Variants in MGAT4C observed in about 807,000 individuals in gnomAD.
The protein encoded by MGAT4C is alpha-1,3-mannosyl-glycoprotein 4-beta-N-acetylglucosaminyltransferase C.
MGAT4C carries 19 observed loss-of-function variants against 40.1 expected under a neutral mutation model. That is an observed-to-expected ratio of 0.47 (90% CI 0.33 to 0.70). MGAT4C has a LOEUF of 0.70. MGAT4C is among the 30% of genes least tolerant of loss of function. The pLI, the probability that MGAT4C is intolerant of heterozygous loss-of-function variation, is 0.02. For missense variants in MGAT4C, 491 were observed against 563.2 expected, an observed-to-expected ratio of 0.87 and a Z score of 1.30; for synonymous variants, 181 against 187.1, an observed-to-expected ratio of 0.97 and a Z score of 0.27.
chr12:86,375,985 T>G (rs1291678858), intron 3 of MGAT4C, among the ~76,000 whole-genome samples: 1 of 152,146 alleles, frequency 6.6e-6, no homozygotes, highest in Non-Finnish European at 1.5e-5. Flanking sequence ...ATTTAAATCA[T>G]TGCAAATAGA....
chr12:86,632,913 A>G (rs1365319879), intron 2 of MGAT4C, among the ~76,000 whole-genome samples: 1 of 152,140 alleles, frequency 6.6e-6, no homozygotes, highest in African/African-American at 2.4e-5. Flanking sequence ...TAATAAAAAA[A>G]TTGGAAATTT....
At chr12:86,571,986 C>T (rs4503615) in intron 2 of MGAT4C, among the ~76,000 whole-genome samples, 111,747 of 151,976 alleles carry the variant, frequency 0.74, 42,500 homozygotes, top group Middle Eastern at 0.84. Context: ...TAAAATTATG[C>T]CCCTTCCAAC....
chr12:86,406,121 C>A (rs933271663), intron 3 of MGAT4C, among the ~76,000 whole-genome samples: 6 of 147,366 alleles, frequency 4.1e-5, no homozygotes, highest in South Asian at 2.1e-4. Context: ...CAAAAATTAA[C>A]CCTAAATGGA....
At chr12:86,191,146 C>T (rs1241082846) in intron 1 of MGAT4C, among the ~76,000 whole-genome samples, 3 of 150,164 alleles carry the variant, frequency 2.0e-5, no homozygotes, top group African/African-American at 7.4e-5. Context: ...CCTATAGGGT[C>T]TGTTTCTCTA....
At chr12:86,704,041 C>T (rs1444374253) in intron 2 of MGAT4C, among the ~76,000 whole-genome samples, 1 of 151,628 alleles carries the variant, frequency 6.6e-6, no homozygotes, top group African/African-American at 2.4e-5. Flanking sequence ...ACTTTTATAG[C>T]AAATATGTAA....
intron 4 of MGAT4C, among the ~76,000 whole-genome samples, chr12:86,262,591 T>C (rs561840789): frequency 6.6e-6 from 1 of 152,220 alleles, no homozygotes; most frequent in South Asian, 2.1e-4. Flanking sequence ...ACTAGGTTCT[T>C]GAAAGCAGAC....
At chr12:86,526,627 G>A (rs955374837) in intron 2 of MGAT4C, among the ~76,000 whole-genome samples, 4 of 152,146 alleles carry the variant, frequency 2.6e-5, no homozygotes, top group Non-Finnish European at 4.4e-5. Context: ...GGACCACTCA[G>A]GCTAACTGAC....
intron 1 of MGAT4C, among the ~76,000 whole-genome samples, chr12:86,122,582 A>G (rs1879549346): frequency 6.6e-6 from 1 of 152,184 alleles, no homozygotes; most frequent in East Asian, 1.9e-4. Context: ...TACGTTAATT[A>G]TACAAACGAT....
intron 2 of MGAT4C, among the ~76,000 whole-genome samples, chr12:86,643,681 G>A (rs2136524897): frequency 6.6e-6 from 1 of 151,952 alleles, no homozygotes; most frequent in Non-Finnish European, 1.5e-5. Flanking sequence ...AGGAGGCCTG[G>A]AGGGGAAAAT....
At chr12:86,340,055 T>C (rs952335519) in intron 3 of MGAT4C, among the ~76,000 whole-genome samples, 1 of 152,210 alleles carries the variant, frequency 6.6e-6, no homozygotes, top group East Asian at 1.9e-4. Context: ...AGTGAGTAGA[T>C]AAATTTGGCT....
At chr12:85,998,826 C>T (rs1181067339) in intron 2 of MGAT4C, among the ~76,000 whole-genome samples, 2 of 152,066 alleles carry the variant, frequency 1.3e-5, no homozygotes, top group Admixed American at 6.6e-5. Flanking sequence ...TCTTCTGAGC[C>T]CCCCAAACTG....
chr12:86,822,680 G>A lies in MGAT4C; in HGVS notation c.-262+15986C>T, dbSNP rs576992099. ...GTGCACCCACCATCATAGCACCTAA[G>A]TATGTTCAGCAAACATCAATAAACA... On this transcript the variant is annotated intron_variant, in intron 1 of 7. Coordinates refer to the MGAT4C transcript ENST00000548651. Among the ~76,000 whole-genome samples the A allele has an allele frequency of 4.6e-5, 7 of 151,184 alleles. No homozygotes were observed. In the East Asian group the frequency reaches 1.2e-3, roughly 25 times the overall value.
intron 2 of MGAT4C, among the ~76,000 whole-genome samples, chr12:86,543,239 CTTA>C (rs1396893797): frequency 6.6e-6 from 1 of 151,274 alleles, no homozygotes; most frequent in Non-Finnish European, 1.5e-5. Flanking sequence ...ATATTCCTAC[CTTA>C]TTAATCATAT....
At chr12:86,119,181 G>A (rs1051073470) in intron 1 of MGAT4C, among the ~76,000 whole-genome samples, 6 of 151,912 alleles carry the variant, frequency 3.9e-5, no homozygotes, top group Non-Finnish European at 8.8e-5. Flanking sequence ...TTAATAAAAT[G>A]AGCCTAAAAT....
chr12:86,074,029 G>T (rs560299145), intron 1 of MGAT4C, among the ~76,000 whole-genome samples: 2 of 152,076 alleles, frequency 1.3e-5, no homozygotes, highest in East Asian at 3.9e-4. Context: ...AGGGATCGGG[G>T]GAGGTAATTG....
intron 2 of MGAT4C, among the ~76,000 whole-genome samples, chr12:86,497,720 T>C (rs1357113905): frequency 6.6e-6 from 1 of 151,470 alleles, no homozygotes; most frequent in Non-Finnish European, 1.5e-5. Context: ...CTTTAACAAA[T>C]TACCTTTTCA....
intron 2 of MGAT4C, among the ~76,000 whole-genome samples, chr12:86,028,474 CTT>C (rs1277814837): frequency 3.3e-5 from 5 of 151,834 alleles, no homozygotes; most frequent in Non-Finnish European, 5.9e-5. Flanking sequence ...TTTTCTTACT[CTT>C]ATTTCTTTAC....
At chr12:86,615,823 C>T (rs1332144024) in intron 2 of MGAT4C, among the ~76,000 whole-genome samples, 1 of 152,020 alleles carries the variant, frequency 6.6e-6, no homozygotes, top group Admixed American at 6.5e-5. Context: ...AATTTATGGA[C>T]ACACTCTAAT....
At chr12:86,250,600 G>A (rs1221089906) in intron 1 of MGAT4C, among the ~76,000 whole-genome samples, 2 of 151,924 alleles carry the variant, frequency 1.3e-5, no homozygotes, top group Non-Finnish European at 2.9e-5. Flanking sequence ...AAAAATCATA[G>A]AATAAAAAGT....
Sources: allele counts gnomAD v4.1 joint callset (sites outside exome capture counted in the v4.1 genomes callset), GRCh38; gene constraint gnomAD v4.1.1; transcripts MANE v1.5; gene names NCBI Gene and HGNC (gene_info 2026-07-23, HGNC 2026-07-21).